The following UBXN6 variants were observed in gnomAD, a reference collection of about 807,000 sequenced individuals.
UBXN6 encodes UBX domain protein 6.
In UBXN6, 44 loss-of-function variants were observed where a neutral mutation model predicts 51.4. The observed-to-expected ratio is 0.86, with a 90% CI of 0.67 to 1.10. The LOEUF is 1.10. Among genes scored for constraint, UBXN6 ranks in the 50% least tolerant of loss-of-function variants. The pLI is 0.00. For synonymous variants in UBXN6, 316 were observed against 263.2 expected (o/e 1.20, Z -1.94); for missense variants, 672 against 596.1 (o/e 1.13, Z -1.32).
rs1369223076 is a variant in UBXN6 at position 4,448,363 on chromosome 19, T to C, written c.494A>G (p.Asn165Ser). ...CAGCTTCACCCGGTCCTGGTCTTTG[T>C]TGAACGTGTAGATCTTCATGATGGA... ...AASIMKIYTF[N>S]KDQDRVKLGV... is the part of the protein sequence containing the mutation. Residue 165 changes from asparagine to serine, a missense_variant, in exon 5 of 11, where the codon AAC becomes AGC. Asn to Ser is a conservative substitution (Grantham distance 46). Transcript: ENST00000301281. 2 of 1,610,892 alleles carry C rather than the reference T, an allele frequency of 1.2e-6. No individual in the cohort carries two copies. Among genetic ancestry groups the C allele is most frequent in the Admixed American group, 1.7e-5 (1 of 59,668 alleles).
chr19:4,446,538 G>A lies in UBXN6; in HGVS notation c.882C>T (p.Asn294=), dbSNP rs1245318782. 6.2e-6 allele frequency: 10 copies of A among 1,611,944 alleles called. No homozygotes were observed. The highest frequency in any genetic ancestry group is 7.6e-6 in the Non-Finnish European group (9 of 1,179,884). Residue 294 remains asparagine, a synonymous_variant, in exon 8 of 11, where the codon AAC becomes AAT. Transcript: ENST00000301281. ...SQFELPGDFF[N]LTAEEIKREQ... ...CCCGCTTGATCTCCTCTGCTGTGAGGTTGAAGAAGTCCCCAGGCAGTTCGA... is the reference window on the plus strand; with the variant it reads ...CCCGCTTGATCTCCTCTGCTGTGAGATTGAAGAAGTCCCCAGGCAGTTCGA...
intron 1 of UBXN6, among the ~76,000 whole-genome samples, chr19:4,457,360 C>T (rs1337403227): frequency 7.5e-6 from 1 of 132,588 alleles, no homozygotes; most frequent in Admixed American, 7.5e-5. Context: ...GTTCCCCTCC[C>T]CTCGCCTCCC....
chr19:4,447,313 GA>G lies in UBXN6; in HGVS notation c.615+236del, dbSNP rs1974554971. 6 of 582,294 alleles carry G rather than the reference GA, an allele frequency of 1.0e-5. No individual in the cohort carries two copies. The East Asian group carries it at 1.1e-4, about 11-fold the overall frequency. The allele number at this position is 582,294 out of a possible 1,614,324, so 36.1% of individuals were successfully genotyped here. A position where few individuals can be genotyped will look rare whatever the true frequency, so the allele number is the denominator to read the frequency against. Reference sequence around the variant, plus strand: ...CCAAACAAGCCCAGCTGAAGAGGAGGAAAAGGATGCAGGTGAGGAGAGGCAG... The same window carrying G: ...CCAAACAAGCCCAGCTGAAGAGGAGGAAAGGATGCAGGTGAGGAGAGGCAG... On this transcript the variant is annotated intron_variant, in intron 6 of 10. Transcript: ENST00000301281.
chr19:4,451,873 C>T (rs372467383), intron 4 of UBXN6, among the ~76,000 whole-genome samples: 1 of 152,062 alleles, frequency 6.6e-6, no homozygotes, highest in East Asian at 1.9e-4. Flanking sequence ...AACCAGGCCA[C>T]GCGTGGTGGC....
intron 6 of UBXN6, chr19:4,447,249 C>G (rs1009789194): frequency 5.9e-5 from 34 of 572,412 alleles, no homozygotes; most frequent in Admixed American, 5.1e-4. Context: ...AACCAGACAT[C>G]TGGTTTGCAT....
At chr19:4,445,936 C>A (rs770506195) in intron 10 of UBXN6, 113 bp downstream of exon 10, 1 of 1,473,866 alleles carries the variant, frequency 6.8e-7, no homozygotes, top group Non-Finnish European at 9.0e-7. Flanking sequence ...AGGGACCTGC[C>A]CAGGCCCCCT....
chr19:4,445,159 A>G lies in UBXN6; in HGVS notation c.*339T>C, dbSNP rs243387. The G allele has an allele frequency of 0.54, 158,180 of 293,598 alleles. 43,705 individuals are homozygous for G. Among genetic ancestry groups the G allele is most frequent in the Admixed American group, 0.72 (15,128 of 21,088 alleles). 18.2% of individuals were successfully genotyped at this position (293,598 alleles called of 1,614,324 possible). Reference sequence around the variant, plus strand: ...ACTGCCACCCACGGCACACGGGAACAGGACCCATGCTGCAGGCCTGCTCTC... The same window carrying G: ...ACTGCCACCCACGGCACACGGGAACGGGACCCATGCTGCAGGCCTGCTCTC... On this transcript the variant is annotated 3_prime_UTR_variant, in exon 11 of 11. Transcript: ENST00000301281.
At chr19:4,451,858 A>G (rs551136421) in intron 4 of UBXN6, among the ~76,000 whole-genome samples, 9 of 152,124 alleles carry the variant, frequency 5.9e-5, no homozygotes, top group African/African-American at 1.9e-4. Flanking sequence ...CCTTTTATGA[A>G]AAACAACCAG....
At chr19:4,454,149 G>A (rs1026721816) in intron 1 of UBXN6, 56 bp from the exon 2 acceptor site, 50 of 1,471,276 alleles carry the variant, frequency 3.4e-5, no homozygotes, top group Non-Finnish European at 3.9e-5. Flanking sequence ...CGGCAAAGCT[G>A]ACGTGCAGTC....
At chr19:4,445,971 C>T (rs755908283) in intron 10 of UBXN6, 78 bp downstream of exon 10, 1 of 1,524,340 alleles carries the variant, frequency 6.6e-7, no homozygotes, top group Admixed American at 2.1e-5. Flanking sequence ...GAGGCTCCCT[C>T]CTGGGGGTGT....
rs919029717 is a variant in UBXN6 at position 4,445,881 on chromosome 19, C to T, written c.1200+168G>A. ...GAGGCGTGGAGTAGTTATGAACTTGCTCGAGGCCCTGCTGCCAGTAAGTGG... is the reference window on the plus strand; with the variant it reads ...GAGGCGTGGAGTAGTTATGAACTTGTTCGAGGCCCTGCTGCCAGTAAGTGG... On this transcript the variant is annotated intron_variant, in intron 10 of 10. Coordinates refer to ENST00000301281, the MANE Select transcript of UBXN6 (RefSeq NM_025241.3). 5 of 1,195,700 alleles carry T rather than the reference C, an allele frequency of 4.2e-6. No homozygotes were observed. In the African/African-American group the frequency reaches 7.7e-5, roughly 18 times the overall value. 74.1% of individuals were successfully genotyped at this position (1,195,700 alleles called of 1,614,324 possible).
rs761189258 is a variant in UBXN6, at chr19:4,446,463, G to A, written c.920+37C>T. The A allele has an allele frequency of 5.4e-5, 85 of 1,585,486 alleles. 1 individual carries two copies. The South Asian group carries it at 7.4e-4, about 14-fold the overall frequency. ...GGGCTGGCCGGGGTTCTTCCACCCC[G>A]CCCCGCCCCACTCTGCTCCGCGGAC... On this transcript the variant is annotated intron_variant, in intron 8 of 10. Coordinates refer to ENST00000301281, the MANE Select transcript of UBXN6 (RefSeq NM_025241.3).
At position 4,446,636 on chromosome 19, in the gene UBXN6, C is replaced by A. The variant is rs766574310; in HGVS notation, c.784G>T (p.Ala262Ser). 6.2e-7 allele frequency: 1 copy of A among 1,612,484 alleles called. No homozygotes were observed. ...SLERHKEQLLAAEPVRAKLDR... is the reference protein window; with the variant it reads ...SLERHKEQLLSAEPVRAKLDR... The stretch of plus-strand genomic sequence containing the variant: ...AGCTTGGCGCGCACGGGCTCCGCAG[C>A]CAGCAGCTGTTCCTTGTGCCTCTCC... Residue 262 changes from alanine (A) to serine (S), a missense_variant, in exon 8 of 11, where the codon GCT becomes TCT. Coordinates refer to ENST00000301281, the MANE Select transcript of UBXN6 (RefSeq NM_025241.3).
rs368753562 is a variant in UBXN6, at chr19:4,446,186, C to T, written c.1063G>A (p.Ala355Thr). Residue 355 changes from alanine to threonine, a missense_variant, in exon 10 of 11, where the codon GCT (alanine) becomes ACT (threonine). Ala to Thr is a moderately conservative substitution (Grantham distance 58, BLOSUM62 0). Coordinates refer to ENST00000301281, the MANE Select transcript of UBXN6 (RefSeq NM_025241.3). ...TACACCGCCCCCAGCCGCTCCCGAGCGTAGAAAGTGCCTGGGGAGTGGGGG... is the reference window on the plus strand; with the variant it reads ...TACACCGCCCCCAGCCGCTCCCGAGTGTAGAAAGTGCCTGGGGAGTGGGGG... Reference protein sequence around the residue: ...DGCLLQGTFYARERLGAVYGF... With the variant: ...DGCLLQGTFYTRERLGAVYGF... 6.2e-6 allele frequency: 10 copies of T among 1,605,040 alleles called. No individual in the cohort carries two copies. Among genetic ancestry groups the T allele is most frequent in the African/African-American group, 5.3e-5 (4 of 74,796 alleles).
At chr19:4,453,417 A>C (rs759095056) in intron 3 of UBXN6, 41 bp downstream of exon 3, 1 of 1,600,052 alleles carries the variant, frequency 6.2e-7, no homozygotes, top group Non-Finnish European at 8.5e-7. Context: ...AGCTGTCCCC[A>C]CCCCTTGGCA....
Position 4,457,623 on chromosome 19 carries a change from C to T in UBXN6, c.75G>A (p.Glu25=). 6.3e-7 allele frequency: 1 copy of T among 1,599,296 alleles called. No homozygotes were observed. Among genetic ancestry groups the T allele is most frequent in the East Asian group, 2.3e-5 (1 of 43,710 alleles). The change falls in exon 1 of 11, where the codon GAG becomes GAA. Residue 25 remains glutamate, a synonymous_variant. Transcript: ENST00000301281. The stretch of plus-strand genomic sequence containing the variant: ...CTGCGTTCCTCACGCACCCCACGGA[C>T]TCTTTGAGCTTCTGACCGGGTCCCG... The part of the protein sequence containing the change: ...KSAGPGQKLK[E]SVGEKAHKEK...
At position 4,453,785 on chromosome 19, in the gene UBXN6, C is replaced by A. The variant is rs1974695424; in HGVS notation, c.247+145G>T. On this transcript the variant is annotated intron_variant, in intron 2 of 10. Coordinates refer to ENST00000301281, the MANE Select transcript of UBXN6 (RefSeq NM_025241.3). ...CCCTCCCCAGGAAGCTGCCCTTCCC[C>A]CAGCACCTGCCCTTGATGAGCCGCT... is the stretch of plus-strand genomic sequence containing the variant. The A allele has an allele frequency of 9.3e-6, 12 of 1,295,648 alleles. No homozygotes were observed. In the East Asian group the frequency reaches 2.8e-4, roughly 31 times the overall value. 80.3% of individuals were successfully genotyped at this position (1,295,648 alleles called of 1,614,324 possible).
At chr19:4,448,723 AGAACTCGACCTCAGTGCTGAGATCC>A in intron 4 of UBXN6, 1 of 397,564 alleles carries the variant, frequency 2.5e-6, no homozygotes, top group South Asian at 2.6e-5. Flanking sequence ...CTCTGGCTTT[AGAACTCGACCTCAGTGCTGAGATCC>A]ATCAAGGCCA....
In UBXN6 at chr19:4,448,304, G is replaced by A; in HGVS notation, c.539+14C>T. 6.3e-7 allele frequency: 1 copy of A among 1,594,426 alleles called. No individual in the cohort carries two copies. The highest frequency in any genetic ancestry group is 8.5e-7 in the Non-Finnish European group (1 of 1,172,130). ...CTGGAGGGGCCAGGCAGGGCAAAGGGGCCACACGCTCACTTGGCAATGGTG... is the reference window on the plus strand; with the variant it reads ...CTGGAGGGGCCAGGCAGGGCAAAGGAGCCACACGCTCACTTGGCAATGGTG... On this transcript the variant is annotated intron_variant, in intron 5 of 10. Transcript: ENST00000301281.
Sources: allele counts gnomAD v4.1 joint callset (sites outside exome capture counted in the v4.1 genomes callset), GRCh38; gene constraint gnomAD v4.1.1; transcripts MANE v1.5; gene names NCBI Gene and HGNC (gene_info 2026-07-23, HGNC 2026-07-21).